The following CCDC7 variants were observed in gnomAD, a reference collection of about 807,000 sequenced individuals.
CCDC7 encodes coiled-coil domain containing 7.
In CCDC7, 183 loss-of-function variants were observed where a neutral mutation model predicts 196.9. That is an observed-to-expected ratio of 0.93 (90% CI 0.82 to 1.05). The LOEUF (loss-of-function observed/expected upper bound fraction) is 1.05, where lower values mean the gene tolerates loss of function less well. Among genes scored for constraint, CCDC7 ranks in the 50% least tolerant of loss-of-function variants. The pLI is 0.00. For synonymous variants in CCDC7, 525 were observed against 484.6 expected (o/e 1.08, Z -1.10); for missense variants, 1,540 against 1,482.2 (o/e 1.04, Z -0.64).
chr10:32,544,347 G>C, intron 13 of CCDC7, 46 bp downstream of exon 14: 1 of 1,560,374 alleles, frequency 6.4e-7, no homozygotes, highest in Non-Finnish European at 8.7e-7. Context: ...ATTAATACTT[G>C]CTCTGATAGT....
At chr10:32,579,521 C>T (rs1452471014) in intron 16 of CCDC7, among the ~76,000 whole-genome samples, 1 of 152,036 alleles carries the variant, frequency 6.6e-6, no homozygotes, top group Non-Finnish European at 1.5e-5. Context: ...ATATAGAGTA[C>T]AAAAATAGTA....
At chr10:32,679,021 AT>A (rs1019788002) in intron 21 of CCDC7, among the ~76,000 whole-genome samples, 3 of 151,936 alleles carry the variant, frequency 2.0e-5, no homozygotes, top group African/African-American at 7.2e-5. Flanking sequence ...CTTATCAGAA[AT>A]TTTTTTTGAT....
Position 32,640,886 on chromosome 10 carries a change from T to TTTTTTTA in CCDC7, c.2014+5729_2014+5730insTTTTTAT, listed in dbSNP as rs2066657001. Among the ~76,000 whole-genome samples the TTTTTTTA allele has an allele frequency of 3.6e-5, 5 of 138,622 alleles. 1 individual carries two copies. Among genetic ancestry groups the TTTTTTTA allele is most frequent in the Non-Finnish European group, 8.0e-5 (5 of 62,464 alleles). The allele number at this position is 138,622 out of a possible 152,430, so 90.9% of individuals were successfully genotyped here. A position where few individuals can be genotyped will look rare whatever the true frequency, so the allele number is the denominator to read the frequency against. The stretch of plus-strand genomic sequence containing the variant: ...TTTCTTTTTTTTTTTCTTTTTTTTT[T>TTTTTTTA]TATTATACTCTAAGTTTTAGGGTAC... On this transcript the variant is annotated intron_variant, in intron 20 of 41. Transcript: ENST00000639629.
At chr10:32,779,227 C>A in intron 29 of CCDC7, 143 bp downstream of exon 30, 1 of 587,114 alleles carries the variant, frequency 1.7e-6, no homozygotes, top group Non-Finnish European at 2.8e-6. Context: ...AATCAATCTA[C>A]ATGTCAATTA....
intron 32 of CCDC7, among the ~76,000 whole-genome samples, chr10:32,833,894 T>A (rs1318670706): frequency 2.0e-5 from 3 of 152,146 alleles, no homozygotes; most frequent in Non-Finnish European, 4.4e-5. Flanking sequence ...TCTGGGTCAC[T>A]GCAGTTTTCA....
Position 32,633,738 on chromosome 10 carries a change from A to ATATATG in CCDC7, c.1802-515_1802-514insATATGT, listed in dbSNP as rs1554928353. Among the ~76,000 whole-genome samples, 54 of 130,804 alleles carry ATATATG rather than the reference A, an allele frequency of 4.1e-4. No individual in the cohort carries two copies. The East Asian group carries it at 4.7e-3, about 11-fold the overall frequency. 85.8% of individuals were successfully genotyped at this position (130,804 alleles called of 152,430 possible). A position where few individuals can be genotyped will look rare whatever the true frequency, so the allele number is the denominator to read the frequency against. On this transcript the variant is annotated intron_variant, in intron 18 of 41. Transcript: ENST00000639629. ...TGTGTGTGTGTGTGTGTGTATATAT[A>ATATATG]TGTGTGTGTGTGTGTATATATATAT...
intron 25 of CCDC7, among the ~76,000 whole-genome samples, chr10:32,716,468 C>G (rs1316608688): frequency 6.6e-6 from 1 of 152,174 alleles, no homozygotes; most frequent in African/African-American, 2.4e-5. Context: ...AGACCAGTGA[C>G]ATTGTGAAGA....
At chr10:32,879,479 C>A (rs2094711219), downstream of CCDC7, among the ~76,000 whole-genome samples, 1 of 152,040 alleles carries the variant, frequency 6.6e-6, no homozygotes, top group South Asian at 2.1e-4. Flanking sequence ...TTGGGGGTGG[C>A]TCAGTGCATG....
chr10:32,727,611 T>C (rs2083315901), intron 26 of CCDC7, among the ~76,000 whole-genome samples: 1 of 152,082 alleles, frequency 6.6e-6, no homozygotes, highest in African/African-American at 2.4e-5. Flanking sequence ...CAGGCATCAT[T>C]CAGGAGAGGG....
intron 29 of CCDC7, among the ~76,000 whole-genome samples, chr10:32,804,429 C>T (rs7901041): frequency 0.14 from 21,003 of 152,086 alleles, 1,754 homozygotes; most frequent in East Asian, 0.25. Flanking sequence ...ATGTTTTCCT[C>T]AATCTACAAG....
At chr10:32,745,970 G>A (rs1337564660) in intron 28 of CCDC7, among the ~76,000 whole-genome samples, 1 of 152,130 alleles carries the variant, frequency 6.6e-6, no homozygotes, top group Non-Finnish European at 1.5e-5. Flanking sequence ...GGGGGGCACT[G>A]TTGTAATTGA....
intron 16 of CCDC7, chr10:32,574,587 T>C: frequency 2.0e-6 from 2 of 992,740 alleles, no homozygotes; most frequent in Non-Finnish European, 2.6e-6. Context: ...TATTTTGGCT[T>C]AGGGAATGAG....
At chr10:32,726,865 A>G (rs1255929991) in intron 26 of CCDC7, 33 bp downstream of exon 27, 1 of 1,231,242 alleles carries the variant, frequency 8.1e-7, no homozygotes, top group Admixed American at 2.2e-5. Context: ...ACTTTAAATT[A>G]TTTTAAAATT....
At chr10:32,469,658 T>C (rs902590232) in intron 5 of CCDC7, among the ~76,000 whole-genome samples, 1 of 152,294 alleles carries the variant, frequency 6.6e-6, no homozygotes, top group East Asian at 1.9e-4. Flanking sequence ...TGCTACGAAG[T>C]TCTGGGGGAA....
chr10:32,473,310 T>C (rs1564380974), intron 7 of CCDC7, among the ~76,000 whole-genome samples: 1 of 152,188 alleles, frequency 6.6e-6, no homozygotes, highest in Non-Finnish European at 1.5e-5. Context: ...ATATTTGGTA[T>C]TTTAAGAAGA....
chr10:32,567,935 A>T, intron 15 of CCDC7, 44 bp downstream of exon 16: 1 of 1,527,188 alleles, frequency 6.5e-7, no homozygotes, highest in South Asian at 1.3e-5. Context: ...ATGTTGTGAG[A>T]AATTTGTCTT....
intron 20 of CCDC7, among the ~76,000 whole-genome samples, chr10:32,655,080 TG>T (rs2069538261): frequency 6.6e-6 from 1 of 152,210 alleles, no homozygotes; most frequent in African/African-American, 2.4e-5. Context: ...TTCAGGAAGC[TG>T]GCAGATACAT....
chr10:32,616,111 C>G (rs1448251876), intron 18 of CCDC7, among the ~76,000 whole-genome samples: 1 of 151,838 alleles, frequency 6.6e-6, no homozygotes, highest in Non-Finnish European at 1.5e-5. Context: ...CAGCTTTGTT[C>G]TTTTTTGCTT....
chr10:32,617,380 A>T (rs193293090), intron 18 of CCDC7, among the ~76,000 whole-genome samples: 1 of 151,456 alleles, frequency 6.6e-6, no homozygotes, highest in East Asian at 1.9e-4. Context: ...GTGTGATGTT[A>T]AGTTGTTAAT....
Sources: gnomAD v4.1 joint callset for allele counts (sites outside exome capture counted in the v4.1 genomes callset) on GRCh38, gnomAD v4.1.1 for gene constraint, MANE v1.5 for transcripts, NCBI Gene and HGNC (gene_info 2026-07-23, HGNC 2026-07-21) for gene names.